Variants in ZNF544 observed in about 807,000 individuals in gnomAD.
ZNF544 encodes the protein zinc finger protein AF020591.
Under a neutral mutation model 13.5 loss-of-function variants are expected in ZNF544, and 10 were observed. The ratio of observed to expected loss-of-function variants is 0.74; its 90% CI spans 0.46 to 1.25. ZNF544 has a LOEUF of 1.25. Among genes scored for constraint, ZNF544 ranks in the 50% most tolerant of loss-of-function variants. The pLI, the probability that ZNF544 is intolerant of heterozygous loss-of-function variation, is 0.00. For synonymous variants in ZNF544, 323 were observed against 300.5 expected, an observed-to-expected ratio of 1.07 and a Z score of -0.77; for missense variants, 896 against 845.6, an observed-to-expected ratio of 1.06 and a Z score of -0.74.
At chr19:58,253,615 T>C (rs1485851055) in intron 6 of ZNF544, among the ~76,000 whole-genome samples, 2 of 152,132 alleles carry the variant, frequency 1.3e-5, no homozygotes, top group Non-Finnish European at 2.9e-5. Flanking sequence ...ATTTTTTTTA[T>C]TTTTAGTAGA....
At chr19:58,242,500 C>G (rs1353012927) in intron 3 of ZNF544, among the ~76,000 whole-genome samples, 3 of 151,178 alleles carry the variant, frequency 2.0e-5, no homozygotes, top group Non-Finnish European at 4.4e-5. Context: ...CTCTTCTAGC[C>G]CAAATGGGAG....
rs1486289818 is a variant in ZNF544, at chr19:58,246,295, T to A, written c.34-6T>A. ...TCTCTGAGCAGTAACAAGTGCCCTG[T>A]TTCAGGCATCTGTGTGCTTCGAGGA... On this transcript the variant is annotated splice_polypyrimidine_tract_variant and splice_region_variant and intron_variant, in intron 4 of 6. Transcript: ENST00000687789. The A allele has an allele frequency of 6.2e-7, 1 of 1,613,960 alleles. No homozygotes were observed. Among genetic ancestry groups the A allele is most frequent in the Non-Finnish European group, 8.5e-7 (1 of 1,179,904 alleles).
chr19:58,263,215 G>C lies in ZNF544; in HGVS notation c.*461G>C, dbSNP rs260463. The C allele has an allele frequency of 0.59, 580,888 of 990,710 alleles. 170,851 individuals carry two copies. The highest frequency in any genetic ancestry group is 0.72 in the Middle Eastern group (1,381 of 1,920). 61.4% of individuals were successfully genotyped at this position (990,710 alleles called of 1,614,324 possible). Reference sequence around the variant, plus strand: ...GTTGCCAACACTTGTAATCCCAGCAGTTTGCGAGGCCGAGGCAGGTGGATC... The same window carrying C: ...GTTGCCAACACTTGTAATCCCAGCACTTTGCGAGGCCGAGGCAGGTGGATC... On this transcript the variant is annotated 3_prime_UTR_variant, in exon 7 of 7. Transcript: ENST00000687789.
chr19:58,257,087 A>G (rs572971669), intron 6 of ZNF544, among the ~76,000 whole-genome samples: 86 of 152,024 alleles, frequency 5.7e-4, no homozygotes, highest in Admixed American at 1.5e-3. Flanking sequence ...ACGCCCGTCT[A>G]ATTTTTTGTA....
At chr19:58,270,097 A>C (rs1360602045) in intron 5 of ZNF544, among the ~76,000 whole-genome samples, 1 of 152,220 alleles carries the variant, frequency 6.6e-6, no homozygotes, top group Non-Finnish European at 1.5e-5. Context: ...TGCTCAAACT[A>C]TACAAATTCT....
chr19:58,261,377 T>G lies in ZNF544; in HGVS notation c.771T>G (p.Leu257=). ...ACTCTCTCAACTATGGTTCCTCCCTTTGTTTTCATGGTAGAACTTTTTCAG... is the reference window on the plus strand; with the variant it reads ...ACTCTCTCAACTATGGTTCCTCCCTGTGTTTTCATGGTAGAACTTTTTCAG... ...SGDSLNYGSS[L]CFHGRTFSVK... The change falls in exon 7 of 7, where the codon CTT becomes CTG. Residue 257 remains leucine, a synonymous_variant. Coordinates refer to ENST00000687789, the MANE Select transcript of ZNF544 (RefSeq NM_014480.4). 1 of 1,614,148 alleles carries G rather than the reference T, an allele frequency of 6.2e-7. No individual in the cohort carries two copies. The highest frequency in any genetic ancestry group is 8.5e-7 in the Non-Finnish European group (1 of 1,180,020).
Position 58,263,185 on chromosome 19 carries a change from G to A in ZNF544, c.*431G>A. The A allele has an allele frequency of 1.0e-6, 1 of 995,786 alleles. No homozygotes were observed. The highest frequency in any genetic ancestry group is 4.4e-5 in the South Asian group (1 of 22,930). The allele number at this position is 995,786 out of a possible 1,614,324, so 61.7% of individuals were successfully genotyped here. A position where few individuals can be genotyped will look rare whatever the true frequency, so the allele number is the denominator to read the frequency against. ...CTATGAATAACCAAGATGGAGCCGG[G>A]TGCAGTTGCCAACACTTGTAATCCC... On this transcript the variant is annotated 3_prime_UTR_variant, in exon 7 of 7. Coordinates refer to ENST00000687789, the MANE Select transcript of ZNF544 (RefSeq NM_014480.4).
downstream of ZNF544, among the ~76,000 whole-genome samples, chr19:58,265,883 A>G (rs899919158): frequency 3.3e-5 from 5 of 152,072 alleles, no homozygotes; most frequent in African/African-American, 1.2e-4. Context: ...CATAGTGCAT[A>G]CTATTACTGC....
At chr19:58,241,656 C>T (rs1045241687) in intron 3 of ZNF544, among the ~76,000 whole-genome samples, 3 of 151,942 alleles carry the variant, frequency 2.0e-5, no homozygotes, top group African/African-American at 4.8e-5. Flanking sequence ...GCCACCACAC[C>T]GGCTAATTTT....
chr19:58,253,257 A>G (rs2046607554), intron 6 of ZNF544, among the ~76,000 whole-genome samples: 1 of 152,238 alleles, frequency 6.6e-6, no homozygotes, highest in African/African-American at 2.4e-5. Context: ...TTAACATTTT[A>G]TCTAGATTAC....
chr19:58,269,132 C>T (rs144709120), intron 5 of ZNF544, among the ~76,000 whole-genome samples: 28 of 152,236 alleles, frequency 1.8e-4, no homozygotes, highest in African/African-American at 6.7e-4. Flanking sequence ...CTGAGAACAC[C>T]ACGACTAAAA....
intron 6 of ZNF544, among the ~76,000 whole-genome samples, chr19:58,253,485 C>T (rs1294692832): frequency 1.3e-5 from 2 of 152,218 alleles, no homozygotes; most frequent in Non-Finnish European, 2.9e-5. Flanking sequence ...TTTGCCCAGG[C>T]TGGAGTACAG....
In ZNF544 at chr19:58,261,994, C is replaced by T. The variant is rs754579503; in HGVS notation, c.1388C>T (p.Pro463Leu). 1.8e-5 allele frequency: 29 copies of T among 1,613,332 alleles called. 1 individual carries two copies. The Admixed American group carries it at 2.7e-4, about 15-fold the overall frequency. ...CAGAGAATTCATACTGGAGAGAAAC[C>T]GTATGAGTGCACTCACTGTGGAAAG... ...VHQRIHTGEKPYECTHCGKSF... is the reference protein window; with the variant it reads ...VHQRIHTGEKLYECTHCGKSF... Residue 463 changes from proline (P) to leucine (L), a missense_variant, in exon 7 of 7, where the codon CCG becomes CTG. Transcript: ENST00000687789.
chr19:58,244,125 C>T, intron 4 of ZNF544, 69 bp downstream of exon 4: 1 of 1,389,052 alleles, frequency 7.2e-7, no homozygotes, highest in Non-Finnish European at 1.0e-6. Context: ...GGAATAGCAC[C>T]CGCCCCTGCA....
chr19:58,250,017 G>T (rs2048930663), intron 6 of ZNF544, among the ~76,000 whole-genome samples: 2 of 152,200 alleles, frequency 1.3e-5, no homozygotes, highest in Non-Finnish European at 2.9e-5. Flanking sequence ...AAGGTATAAT[G>T]AGGGATTGGT....
intron 6 of ZNF544, among the ~76,000 whole-genome samples, chr19:58,248,202 A>C (rs1247631322): frequency 2.2e-5 from 3 of 135,940 alleles, no homozygotes; most frequent in Non-Finnish European, 3.1e-5. Flanking sequence ...GTGAGCCACT[A>C]CCCCTTGCCC....
intron 6 of ZNF544, chr19:58,258,451 T>TGGGTGTGA (rs2048096641): frequency 1.3e-5 from 1 of 74,686 alleles, no homozygotes; most frequent in African/African-American, 5.3e-5. Context: ...GTGAGGGTGC[T>TGGGTGTGA]GGGTGCGAGG....
At chr19:58,255,967 G>C (rs933748225) in intron 6 of ZNF544, among the ~76,000 whole-genome samples, 3 of 152,204 alleles carry the variant, frequency 2.0e-5, no homozygotes, top group Non-Finnish European at 4.4e-5. Context: ...AAGAGAAAAA[G>C]GAAAAGGACT....
chr19:58,242,858 C>G (rs987855453), intron 3 of ZNF544, among the ~76,000 whole-genome samples: 1 of 152,104 alleles, frequency 6.6e-6, no homozygotes, highest in South Asian at 2.1e-4. Flanking sequence ...GTCACCATGC[C>G]TGGCTAATTT....
Sources: gnomAD v4.1 joint callset for allele counts (sites outside exome capture counted in the v4.1 genomes callset) on GRCh38, gnomAD v4.1.1 for gene constraint, MANE v1.5 for transcripts, NCBI Gene and HGNC (gene_info 2026-07-23, HGNC 2026-07-21) for gene names.